WDR44: variants seen among roughly 807,000 people sequenced by gnomAD.
WDR44 encodes WD repeat-containing protein 44.
WDR44 carries 9 observed loss-of-function variants against 65.7 expected under a neutral mutation model. That is an observed-to-expected ratio of 0.14 (90% confidence interval 0.08 to 0.24). The LOEUF (loss-of-function observed/expected upper bound fraction) is 0.24, where lower values mean the gene tolerates loss of function less well. WDR44 is among the 10% of genes least tolerant of loss of function. The pLI, the probability that WDR44 is intolerant of heterozygous loss-of-function variation, is 1.00. For missense variants in WDR44, 425 were observed against 670.9 expected, an observed-to-expected ratio of 0.63 and a Z score of 4.05; for synonymous variants, 220 against 235.2, an observed-to-expected ratio of 0.94 and a Z score of 0.59.
intron 12 of WDR44, among the ~76,000 whole-genome samples, chrX:118,411,230 C>A (rs770497163): frequency 9.0e-6 from 1 of 110,826 alleles, no homozygotes; most frequent in Admixed American, 9.7e-5. Flanking sequence ...CCCCTCAAAT[C>A]CATGTTAGAC....
chrX:118,406,605 A>G (rs2056970031), intron 9 of WDR44, among the ~76,000 whole-genome samples: 1 of 111,309 alleles, frequency 9.0e-6, no homozygotes, highest in Non-Finnish European at 1.9e-5. Flanking sequence ...TGAGGTAAGT[A>G]CCATCATTAT....
At chrX:118,418,482 C>G (rs1409374708) in intron 12 of WDR44, among the ~76,000 whole-genome samples, 1 of 111,203 alleles carries the variant, frequency 9.0e-6, no homozygotes, top group Non-Finnish European at 1.9e-5. Flanking sequence ...GCAAGTCTAC[C>G]CAGCTCTGAG....
chrX:118,348,674 G>GT (rs1812448201), intron 1 of WDR44, among the ~76,000 whole-genome samples: 1 of 111,859 alleles, frequency 8.9e-6, no homozygotes, highest in Non-Finnish European at 1.9e-5. Context: ...GTGGAAGGTT[G>GT]TATCATTTGC....
At chrX:118,413,087 C>T (rs2057025233) in intron 12 of WDR44, among the ~76,000 whole-genome samples, 1 of 112,209 alleles carries the variant, frequency 8.9e-6, no homozygotes, top group Admixed American at 9.5e-5. Context: ...TTTATCCACT[C>T]GTTGATTGAT....
At chrX:118,433,986 T>C (rs2057233054) in intron 13 of WDR44, among the ~76,000 whole-genome samples, 1 of 111,782 alleles carries the variant, frequency 8.9e-6, no homozygotes, top group Admixed American at 9.6e-5. Context: ...CTTAAAGGCG[T>C]ATAGCTAGGG....
At chrX:118,432,081 TAAC>T (rs757389140) in intron 12 of WDR44, among the ~76,000 whole-genome samples, 16 of 112,130 alleles carry the variant, frequency 1.4e-4, no homozygotes, top group South Asian at 3.7e-4. Context: ...TGACTTCAAA[TAAC>T]AGAAATCCAA....
At chrX:118,426,654 C>T (rs4825580) in intron 12 of WDR44, among the ~76,000 whole-genome samples, 14,151 of 107,935 alleles carry the variant, frequency 0.13, 791 homozygotes, top group Admixed American at 0.26. Flanking sequence ...TACAGTGAGC[C>T]GAGGCCATGC....
intron 3 of WDR44, among the ~76,000 whole-genome samples, chrX:118,391,652 A>T (rs539888169): frequency 8.9e-6 from 1 of 111,850 alleles, no homozygotes; most frequent in South Asian, 3.8e-4. Flanking sequence ...AAATGTTGGC[A>T]GAAGATAATA....
chrX:118,396,246 G>C (rs1027435050), intron 6 of WDR44, among the ~76,000 whole-genome samples: 6 of 111,170 alleles, frequency 5.4e-5, no homozygotes, highest in Non-Finnish European at 1.1e-4. Flanking sequence ...AAACAGTTTG[G>C]CAATTCCTCA....
chrX:118,375,515 CA>C lies in WDR44; in HGVS notation c.78-2887del, dbSNP rs3048529. Among the ~76,000 whole-genome samples the C allele has an allele frequency of 6.9e-3, 430 of 62,016 alleles. 2 individuals carry two copies. The highest frequency in any genetic ancestry group is 0.018 in the African/African-American group (368 of 20,013). The allele number at this position is 62,016 out of a possible 115,157, so 53.9% of individuals were successfully genotyped here. ...TGGGCAGTAAAGTGAGACCCCATCT[CA>C]AAAAAAAAAAAAAAAACAAACAGGT... On this transcript the variant is annotated intron_variant, in intron 1 of 19. Transcript: ENST00000254029.
At chrX:118,400,592 G>C (rs1165144437) in intron 8 of WDR44, among the ~76,000 whole-genome samples, 2 of 111,018 alleles carry the variant, frequency 1.8e-5, no homozygotes, top group Non-Finnish European at 3.8e-5. Flanking sequence ...TGTGTTTTCT[G>C]GTTATCAAAA....
At chrX:118,384,582 C>G (rs1328566802) in intron 2 of WDR44, among the ~76,000 whole-genome samples, 1 of 111,866 alleles carries the variant, frequency 8.9e-6, no homozygotes, top group East Asian at 2.8e-4. Flanking sequence ...AACTGTAGCA[C>G]TGTAGCATAG....
chrX:118,380,394 T>C (rs1402486298), intron 2 of WDR44, among the ~76,000 whole-genome samples: 1 of 111,682 alleles, frequency 9.0e-6, no homozygotes, highest in East Asian at 2.8e-4. Context: ...ACCCACCACC[T>C]TCCCCATATC....
At chrX:118,411,717 CTCT>C (rs1419105719) in intron 12 of WDR44, among the ~76,000 whole-genome samples, 7 of 112,030 alleles carry the variant, frequency 6.2e-5, no homozygotes, top group Non-Finnish European at 1.3e-4. Context: ...CATATTTATG[CTCT>C]TCTTCTAGTC....
At chrX:118,374,145 G>A (rs2147681734) in intron 1 of WDR44, among the ~76,000 whole-genome samples, 1 of 107,481 alleles carries the variant, frequency 9.3e-6, no homozygotes, top group South Asian at 4.1e-4. Context: ...GTGCCCATAT[G>A]TTCTCATTGT....
chrX:118,347,354 G>A (rs1391183091), intron 1 of WDR44, among the ~76,000 whole-genome samples: 2 of 111,845 alleles, frequency 1.8e-5, no homozygotes, highest in Non-Finnish European at 3.8e-5. Flanking sequence ...TCTGCAAGAT[G>A]TTTTAGTGGT....
At chrX:118,358,154 ATGTT>A (rs2056479536) in intron 1 of WDR44, among the ~76,000 whole-genome samples, 1 of 112,455 alleles carries the variant, frequency 8.9e-6, no homozygotes. Context: ...TGTAGAAAGA[ATGTT>A]TGGCCTTTAG....
At chrX:118,387,181 C>CAAAAAAAAA (rs61229618) in intron 2 of WDR44, among the ~76,000 whole-genome samples, 159 bp from the exon 3 acceptor site, 1 of 38,262 alleles carries the variant, frequency 2.6e-5, no homozygotes, top group Non-Finnish European at 5.4e-5. Context: ...AACTCTGTCT[C>CAAAAAAAAA]AAAAAAAAAA....
intron 12 of WDR44, among the ~76,000 whole-genome samples, chrX:118,431,205 T>C (rs1002635532): frequency 3.6e-5 from 4 of 112,015 alleles, no homozygotes; most frequent in African/African-American, 9.7e-5. Flanking sequence ...ACCGGTAAGA[T>C]GGTGGTGGTT....
Sources: allele counts gnomAD v4.1 joint callset (sites outside exome capture counted in the v4.1 genomes callset), GRCh38; gene constraint gnomAD v4.1.1; transcripts MANE v1.5; gene names NCBI Gene and HGNC (gene_info 2026-07-23, HGNC 2026-07-21).